The following TBC1D14 variants were observed in gnomAD, a reference collection of about 807,000 sequenced individuals.
TBC1D14 encodes the protein TBC1 domain family, member 14.
Under a neutral mutation model 79.0 loss-of-function variants are expected in TBC1D14, and 26 were observed. That is an observed-to-expected ratio of 0.33 (90% CI 0.24 to 0.46). The LOEUF (loss-of-function observed/expected upper bound fraction) is 0.46. TBC1D14 is among the 20% of genes least tolerant of loss of function. The pLI, the probability that TBC1D14 is intolerant of heterozygous loss-of-function variation, is 1.00. For synonymous variants in TBC1D14, 394 were observed against 349.9 expected (o/e 1.13, Z -1.40); for missense variants, 769 against 887.6 (o/e 0.87, Z 1.70).
chr4:6,994,377 G>C, intron 4 of TBC1D14, 75 bp downstream of exon 4: 1 of 1,349,978 alleles, frequency 7.4e-7, no homozygotes, highest in East Asian at 2.3e-5. Context: ...CTTTTCATTA[G>C]AGAAAAACTA....
intron 3 of TBC1D14, among the ~76,000 whole-genome samples, chr4:6,991,855 A>G (rs890930959): frequency 2.0e-5 from 3 of 152,198 alleles, no homozygotes; most frequent in Non-Finnish European, 2.9e-5. Context: ...TGCTGTTGGT[A>G]ATAGTAAGAA....
rs773703122 is a variant in TBC1D14 at position 6,923,683 on chromosome 4, G to C, written c.294G>C (p.Glu98Asp). Reference protein sequence around the residue: ...RKQSDSDLIPERAFQSACALP... With the variant: ...RKQSDSDLIPDRAFQSACALP... ...AGTCCGACTCCGACCTCATCCCCGA[G>C]CGGGCCTTCCAGAGCGCCTGCGCGC... Residue 98 changes from glutamate to aspartate, a missense_variant, in exon 2 of 14, where the codon GAG (glutamate) becomes GAC (aspartate). Physicochemically the swap from Glu to Asp is conservative, Grantham distance 45. Around this residue, in one of 2 missense-constraint regions of TBC1D14, gnomAD observed 402 missense variants for 393.2 expected, o/e 1.02. Transcript: ENST00000409757. The C allele has an allele frequency of 1.9e-6, 3 of 1,613,780 alleles. No individual in the cohort carries two copies. Among genetic ancestry groups the C allele is most frequent in the Non-Finnish European group, 8.5e-7 (1 of 1,180,024 alleles).
chr4:6,997,858 T>A (rs2109179405), intron 5 of TBC1D14, among the ~76,000 whole-genome samples: 1 of 151,976 alleles, frequency 6.6e-6, no homozygotes, highest in East Asian at 1.9e-4. Context: ...GTGCTAGGGG[T>A]TGGGGAGACG....
intron 8 of TBC1D14, 145 bp from the exon 9 acceptor site, chr4:7,006,487 T>A (rs768881249): frequency 1.7e-6 from 1 of 590,558 alleles, no homozygotes; most frequent in Non-Finnish European, 3.0e-6. Context: ...ACTCTGAAGC[T>A]GCACTCTGAG....
intron 3 of TBC1D14, among the ~76,000 whole-genome samples, chr4:6,985,967 A>G (rs866714972): frequency 6.6e-6 from 1 of 152,226 alleles, no homozygotes; most frequent in African/African-American, 2.4e-5. Context: ...TTATGCAACT[A>G]TCATTGCAAT....
chr4:7,002,420 C>G (rs891390794), intron 7 of TBC1D14, among the ~76,000 whole-genome samples: 10 of 152,162 alleles, frequency 6.6e-5, no homozygotes, highest in African/African-American at 2.4e-4. Flanking sequence ...TTAATTTTTG[C>G]TTCTCACTGA....
intron 3 of TBC1D14, among the ~76,000 whole-genome samples, chr4:6,976,966 A>G (rs1194036081): frequency 1.3e-5 from 2 of 150,986 alleles, no homozygotes; most frequent in Non-Finnish European, 2.9e-5. Flanking sequence ...GGGAAACACA[A>G]TTTTAAATAA....
At chr4:7,027,725 A>T (rs1304530076) in intron 13 of TBC1D14, among the ~76,000 whole-genome samples, 1 of 68,138 alleles carries the variant, frequency 1.5e-5, no homozygotes, top group African/African-American at 6.1e-5. Flanking sequence ...ACACACAATC[A>T]CCCCCCACAC....
chr4:6,949,746 C>T (rs114679638), intron 2 of TBC1D14, among the ~76,000 whole-genome samples: 2,472 of 147,346 alleles, frequency 0.017, 88 homozygotes, highest in African/African-American at 0.058. Flanking sequence ...CTCCACATTT[C>T]GTAGTTTTGT....
intron 2 of TBC1D14, among the ~76,000 whole-genome samples, chr4:6,946,306 C>A (rs982119392): frequency 6.6e-6 from 1 of 151,910 alleles, no homozygotes; most frequent in African/African-American, 2.4e-5. Flanking sequence ...TAACAGACTG[C>A]TCTTAGTGTT....
intron 3 of TBC1D14, among the ~76,000 whole-genome samples, 173 bp from the exon 4 acceptor site, chr4:6,994,011 A>G (rs1718762767): frequency 6.6e-6 from 1 of 152,242 alleles, no homozygotes; most frequent in African/African-American, 2.4e-5. Flanking sequence ...CTCCATCTCC[A>G]GAAAGACCCC....
At chr4:6,990,296 A>G (rs1030065280) in intron 3 of TBC1D14, among the ~76,000 whole-genome samples, 13 of 152,176 alleles carry the variant, frequency 8.5e-5, no homozygotes, top group Non-Finnish European at 2.9e-5. Flanking sequence ...TAAAAATACA[A>G]AAATTAGCTG....
chr4:6,938,054 G>A (rs1712519076), intron 2 of TBC1D14, among the ~76,000 whole-genome samples: 1 of 152,196 alleles, frequency 6.6e-6, no homozygotes, highest in South Asian at 2.1e-4. Flanking sequence ...TGGGTGGGGA[G>A]AGGGAGGCAG....
chr4:6,926,196 G>A (rs971464336), intron 2 of TBC1D14, among the ~76,000 whole-genome samples: 4 of 152,194 alleles, frequency 2.6e-5, no homozygotes, highest in African/African-American at 9.7e-5. Flanking sequence ...TGAGAAGTGG[G>A]GATAATGAGC....
intron 13 of TBC1D14, among the ~76,000 whole-genome samples, chr4:7,025,809 G>T (rs916009904): frequency 6.6e-6 from 1 of 152,222 alleles, no homozygotes; most frequent in Non-Finnish European, 1.5e-5. Flanking sequence ...AAACAGTGGC[G>T]CGGATAGTCC....
intron 3 of TBC1D14, among the ~76,000 whole-genome samples, chr4:6,982,137 T>A (rs1717430377): frequency 6.6e-6 from 1 of 152,238 alleles, no homozygotes; most frequent in East Asian, 1.9e-4. Flanking sequence ...GTGTTTGCCA[T>A]CGAGAAATGA....
Position 7,004,867 on chromosome 4 carries a change from C to T in TBC1D14, c.1294C>T (p.Arg432Ter). The change falls in exon 8 of 14, where the codon CGA becomes TGA. Residue 432 changes from arginine (R) to a stop codon, truncating the protein, a stop_gained. Coordinates refer to ENST00000409757, the MANE Select transcript of TBC1D14 (RefSeq NM_020773.3). LOFTEE classifies it high-confidence loss of function. The part of the protein sequence containing the change: ...THELFDICLA[R>*]AKERWRSLST... Reference sequence around the variant, plus strand: ...AGAGCTCTTTGACATCTGTCTTGCCCGAGCCAAGGAGAGGTGGCGGTCCCT... The same window carrying T: ...AGAGCTCTTTGACATCTGTCTTGCCTGAGCCAAGGAGAGGTGGCGGTCCCT... 6.2e-7 allele frequency: 1 copy of T among 1,614,016 alleles called. No individual in the cohort carries two copies. Among genetic ancestry groups the T allele is most frequent in the Non-Finnish European group, 8.5e-7 (1 of 1,180,002 alleles).
chr4:6,945,560 C>T (rs542021457), intron 2 of TBC1D14, among the ~76,000 whole-genome samples: 1 of 151,940 alleles, frequency 6.6e-6, no homozygotes, highest in Admixed American at 6.5e-5. Context: ...ACCAGCCTGA[C>T]CAACATGGAG....
chr4:6,967,846 A>G (rs1253055141), intron 3 of TBC1D14, among the ~76,000 whole-genome samples: 1 of 151,978 alleles, frequency 6.6e-6, no homozygotes, highest in Non-Finnish European at 1.5e-5. Context: ...GAGGGCCGAC[A>G]TTCCCCGGCT....
Sources: gnomAD v4.1 joint callset for allele counts (sites outside exome capture counted in the v4.1 genomes callset) on GRCh38, gnomAD v4.1.1 for gene constraint, gnomAD v4.1.1 regional missense constraint, MANE v1.5 for transcripts, NCBI Gene and HGNC (gene_info 2026-07-23, HGNC 2026-07-21) for gene names.